The following ASIC2 variants were observed in gnomAD, a reference collection of about 807,000 sequenced individuals.
The protein encoded by ASIC2 is acid-sensing ion channel 2.
Under a neutral mutation model 57.3 loss-of-function variants are expected in ASIC2, and 25 were observed. The ratio of observed to expected loss-of-function variants is 0.44; its 90% confidence interval spans 0.32 to 0.61. The LOEUF (loss-of-function observed/expected upper bound fraction) is 0.61. ASIC2 is among the 20% of genes least tolerant of loss of function. The probability of loss-of-function intolerance (pLI) is 0.06; values close to 1 mark genes in which losing one functional copy is unlikely to be tolerated. For synonymous variants in ASIC2, 319 were observed against 307.5 expected (o/e 1.04, Z -0.39); for missense variants, 641 against 738.1 (o/e 0.87, Z 1.52).
chr17:34,153,521 G>A (rs531552760), intron 1 of ASIC2, among the ~76,000 whole-genome samples: 4 of 152,348 alleles, frequency 2.6e-5, no homozygotes, highest in Admixed American at 1.3e-4. Context: ...GATGAGTTGG[G>A]AGGAGTACTC....
At chr17:33,870,911 A>G (rs1706129114) in intron 1 of ASIC2, among the ~76,000 whole-genome samples, 1 of 152,236 alleles carries the variant, frequency 6.6e-6, no homozygotes, top group African/African-American at 2.4e-5. Context: ...TTCAGTAGGA[A>G]GGCAGGAGCT....
rs115057103 is a variant in ASIC2, at chr17:33,434,254, A to C, written c.556-322187T>G. On this transcript the variant is annotated intron_variant, in intron 1 of 9. Coordinates refer to the ASIC2 transcript ENST00000359872. ...ATAGAAGTCCCTGAAAAAGAAAACC[A>C]AAGTAAGGAAATGGAGCAAATACTA... is the stretch of plus-strand genomic sequence containing the variant. 5.5e-3 allele frequency among the ~76,000 whole-genome samples: 842 copies of C among 152,232 alleles called. 13 individuals are homozygous for C. Among genetic ancestry groups the C allele is most frequent in the African/African-American group, 0.019 (770 of 41,568 alleles).
At chr17:34,023,172 A>G (rs564990845) in intron 1 of ASIC2, among the ~76,000 whole-genome samples, 1 of 152,056 alleles carries the variant, frequency 6.6e-6, no homozygotes, top group Non-Finnish European at 1.5e-5. Flanking sequence ...GAATGAACTA[A>G]TACACCCTCT....
intron 1 of ASIC2, among the ~76,000 whole-genome samples, chr17:33,762,952 T>TG (rs1370567382): frequency 3.3e-5 from 5 of 152,176 alleles, no homozygotes; most frequent in African/African-American, 1.2e-4. Context: ...TCTGTTTTAT[T>TG]TAAGCTGGTA....
intron 1 of ASIC2, among the ~76,000 whole-genome samples, chr17:33,217,498 G>A (rs755237556): frequency 2.6e-5 from 4 of 152,164 alleles, no homozygotes; most frequent in Admixed American, 6.5e-5. Context: ...GAGCGAGCCC[G>A]GAGCCTGAGT....
At chr17:33,220,659 A>C (rs1335964672) in intron 1 of ASIC2, among the ~76,000 whole-genome samples, 2 of 152,140 alleles carry the variant, frequency 1.3e-5, no homozygotes, top group Non-Finnish European at 2.9e-5. Flanking sequence ...ACCCGGCCTA[A>C]TTCCTGGTCA....
chr17:33,408,822 C>G (rs1012487117), intron 1 of ASIC2, among the ~76,000 whole-genome samples: 1 of 152,118 alleles, frequency 6.6e-6, no homozygotes, highest in African/African-American at 2.4e-5. Context: ...AAGTGGGGAA[C>G]GAGGGGAGCC....
At chr17:33,188,710 A>C (rs1906298848) in intron 1 of ASIC2, among the ~76,000 whole-genome samples, 1 of 152,150 alleles carries the variant, frequency 6.6e-6, no homozygotes, top group Non-Finnish European at 1.5e-5. Flanking sequence ...ATCTGGTAAA[A>C]ATATATTTCA....
intron 1 of ASIC2, among the ~76,000 whole-genome samples, chr17:33,830,977 G>T (rs1913089410): frequency 6.6e-6 from 1 of 151,382 alleles, no homozygotes; most frequent in Non-Finnish European, 1.5e-5. Context: ...AGGCATGATG[G>T]CATGCACCTG....
At chr17:33,740,639 T>C (rs1293679567) in intron 1 of ASIC2, among the ~76,000 whole-genome samples, 2 of 152,114 alleles carry the variant, frequency 1.3e-5, no homozygotes, top group African/African-American at 2.4e-5. Flanking sequence ...GCAAGGAACA[T>C]AGACATCAGA....
chr17:34,094,457 C>A (rs1910446343), intron 1 of ASIC2, among the ~76,000 whole-genome samples: 1 of 152,178 alleles, frequency 6.6e-6, no homozygotes, highest in Admixed American at 6.5e-5. Flanking sequence ...GACGCTGACT[C>A]CTCAATGGAT....
At chr17:33,532,954 G>A (rs1597770501) in intron 1 of ASIC2, among the ~76,000 whole-genome samples, 2 of 152,180 alleles carry the variant, frequency 1.3e-5, no homozygotes, top group African/African-American at 4.8e-5. Context: ...CCAAAAATAC[G>A]TCCAAAGATT....
At chr17:33,119,589 G>A (rs2092293737) in intron 1 of ASIC2, among the ~76,000 whole-genome samples, 1 of 152,334 alleles carries the variant, frequency 6.6e-6, no homozygotes. Context: ...GCTGTAGATG[G>A]TTAGCTCTTT....
intron 1 of ASIC2, among the ~76,000 whole-genome samples, chr17:33,808,612 T>G (rs575217588): frequency 6.6e-6 from 1 of 152,348 alleles, no homozygotes; most frequent in South Asian, 2.1e-4. Context: ...TGGATCAAGT[T>G]GGGAGATGCC....
intron 3 of ASIC2, among the ~76,000 whole-genome samples, chr17:33,070,781 T>A (rs2092065774): frequency 6.6e-6 from 1 of 152,234 alleles, no homozygotes; most frequent in East Asian, 1.9e-4. Flanking sequence ...CTGCTGGTGA[T>A]AGATATGCTG....
At chr17:33,826,069 A>G (rs1912899611) in intron 1 of ASIC2, among the ~76,000 whole-genome samples, 1 of 152,232 alleles carries the variant, frequency 6.6e-6, no homozygotes, top group African/African-American at 2.4e-5. Flanking sequence ...TTGAATTATG[A>G]TGATTCTCTG....
At chr17:33,541,302 C>G (rs1350301130) in intron 1 of ASIC2, 1 of 152,132 alleles carries the variant, frequency 6.6e-6, no homozygotes, top group Non-Finnish European at 1.5e-5. Flanking sequence ...CTGAGAAAAG[C>G]AGGATTTTGT....
intron 1 of ASIC2, among the ~76,000 whole-genome samples, chr17:33,926,741 G>A (rs1018714559): frequency 1.3e-5 from 2 of 152,228 alleles, no homozygotes; most frequent in Non-Finnish European, 2.9e-5. Flanking sequence ...TAACCGAGCA[G>A]CACAGTAGCA....
intron 1 of ASIC2, among the ~76,000 whole-genome samples, chr17:34,015,468 C>T (rs1465288765): frequency 6.6e-6 from 1 of 152,226 alleles, no homozygotes. Flanking sequence ...GCCATCCGGC[C>T]AGGCCATGTA....
Sources: allele counts gnomAD v4.1 joint callset (sites outside exome capture counted in the v4.1 genomes callset), GRCh38; gene constraint gnomAD v4.1.1; transcripts MANE v1.5; gene names NCBI Gene and HGNC (gene_info 2026-07-23, HGNC 2026-07-21).